Variants in NEGR1 observed in about 807,000 individuals in gnomAD.
The protein encoded by NEGR1 is IgLON family member 4.
In NEGR1, 10 loss-of-function variants were observed where a neutral mutation model predicts 40.9. The ratio of observed to expected loss-of-function variants is 0.24; its 90% confidence interval spans 0.15 to 0.42. NEGR1 has a LOEUF of 0.42. NEGR1 is among the 10% of genes least tolerant of loss of function. The probability of loss-of-function intolerance (pLI) is 1.00; values close to 1 mark genes in which losing one functional copy is unlikely to be tolerated. For missense variants in NEGR1, 352 were observed against 438.9 expected, an observed-to-expected ratio of 0.80 and a Z score of 1.77; for synonymous variants, 185 against 166.8, an observed-to-expected ratio of 1.11 and a Z score of -0.84.
chr1:72,031,733 T>C (rs1646860524), intron 1 of NEGR1, among the ~76,000 whole-genome samples: 3 of 152,124 alleles, frequency 2.0e-5, no homozygotes, highest in South Asian at 2.1e-4. Context: ...ACATGAGTTA[T>C]AGGCCCAGAT....
At chr1:71,942,433 C>A (rs1362728663) in intron 1 of NEGR1, among the ~76,000 whole-genome samples, 5 of 104,552 alleles carry the variant, frequency 4.8e-5, no homozygotes, top group African/African-American at 1.7e-4. Flanking sequence ...TACTTTAATG[C>A]ACAACTTAAA....
At chr1:72,250,419 A>T (rs935639133) in intron 1 of NEGR1, among the ~76,000 whole-genome samples, 4 of 152,202 alleles carry the variant, frequency 2.6e-5, no homozygotes, top group African/African-American at 9.6e-5. Context: ...ATATTATGAT[A>T]TAATATGTTA....
intron 1 of NEGR1, among the ~76,000 whole-genome samples, chr1:72,280,372 G>T (rs908970254): frequency 2.0e-5 from 3 of 152,098 alleles, no homozygotes; most frequent in African/African-American, 7.2e-5. Context: ...AACCCTTTAG[G>T]GTGGAAATGG....
intron 2 of NEGR1, among the ~76,000 whole-genome samples, chr1:71,874,994 A>G (rs1207652078): frequency 6.6e-6 from 1 of 151,838 alleles, no homozygotes; most frequent in African/African-American, 2.4e-5. Context: ...ATAGATGTTC[A>G]CCACTACACC....
At chr1:71,669,063 T>C (rs748671568) in intron 4 of NEGR1, among the ~76,000 whole-genome samples, 11 of 152,178 alleles carry the variant, frequency 7.2e-5, no homozygotes, top group Non-Finnish European at 1.5e-4. Context: ...ATTGCAATGT[T>C]GTGTAATTGA....
At chr1:71,500,634 G>A (rs1037857790) in intron 6 of NEGR1, among the ~76,000 whole-genome samples, 6 of 151,968 alleles carry the variant, frequency 3.9e-5, no homozygotes, top group African/African-American at 1.4e-4. Flanking sequence ...TACATTAAAT[G>A]TCAGCACTTA....
At chr1:72,232,850 G>C (rs1331904316) in intron 1 of NEGR1, among the ~76,000 whole-genome samples, 3 of 152,086 alleles carry the variant, frequency 2.0e-5, no homozygotes, top group Non-Finnish European at 4.4e-5. Flanking sequence ...CCTCCTCAGA[G>C]CCTCTTTTTT....
intron 1 of NEGR1, among the ~76,000 whole-genome samples, chr1:71,998,613 T>C (rs1435752919): frequency 6.6e-6 from 1 of 151,780 alleles, no homozygotes; most frequent in Non-Finnish European, 1.5e-5. Context: ...AGATTCTTAC[T>C]CATATCACAA....
chr1:71,929,732 GT>G (rs75644144), intron 2 of NEGR1, among the ~76,000 whole-genome samples: 31,911 of 142,386 alleles, frequency 0.22, 3,551 homozygotes, highest in Admixed American at 0.36. Flanking sequence ...CACCATTACT[GT>G]TTTTTTTTTT....
Position 72,196,025 on chromosome 1 carries a change from A to C in NEGR1, c.176+86294T>G, listed in dbSNP as rs1033792097. ...TTTTCTTCCTTTGAATGAGTTAGGT[A>C]TTACTAGAATCTATGCACAATCTTT... is the stretch of plus-strand genomic sequence containing the variant. On this transcript the variant is annotated intron_variant, in intron 1 of 6. Transcript: ENST00000357731. Among the ~76,000 whole-genome samples the C allele has an allele frequency of 9.2e-5, 14 of 152,110 alleles. No individual in the cohort carries two copies. In the South Asian group the frequency reaches 1.0e-3, roughly 11 times the overall value.
At chr1:71,639,885 C>T (rs1328220443) in intron 4 of NEGR1, among the ~76,000 whole-genome samples, 1 of 152,002 alleles carries the variant, frequency 6.6e-6, no homozygotes, top group Non-Finnish European at 1.5e-5. Flanking sequence ...GGAGAAAAAT[C>T]AGGCCACTCT....
rs1240583699 is a variant in NEGR1 at position 71,420,491 on chromosome 1, G to A, written c.941-12921C>T. Among the ~76,000 whole-genome samples the A allele has an allele frequency of 2.0e-5, 3 of 150,862 alleles. No homozygotes were observed. The East Asian group carries it at 5.8e-4, about 29-fold the overall frequency. On this transcript the variant is annotated intron_variant, in intron 6 of 6. Transcript: ENST00000357731. ...GCTTTTAGGACTATGTAGTCAAGTAGAAAAAAAACATTCTACACAAGAAAA... is the reference window on the plus strand; with the variant it reads ...GCTTTTAGGACTATGTAGTCAAGTAAAAAAAAAACATTCTACACAAGAAAA...
intron 4 of NEGR1, among the ~76,000 whole-genome samples, chr1:71,614,601 T>C (rs899059133): frequency 5.4e-4 from 83 of 152,316 alleles, no homozygotes; most frequent in African/African-American, 1.9e-3. Context: ...TTTTATGATA[T>C]CTAACTATTA....
intron 2 of NEGR1, among the ~76,000 whole-genome samples, chr1:71,871,669 T>C (rs1244880821): frequency 6.6e-6 from 1 of 152,326 alleles, no homozygotes; most frequent in East Asian, 1.9e-4. Context: ...AAATTGATTC[T>C]GAAACAGGTA....
At chr1:72,074,697 C>T (rs1239726572) in intron 1 of NEGR1, among the ~76,000 whole-genome samples, 1 of 152,030 alleles carries the variant, frequency 6.6e-6, no homozygotes, top group Non-Finnish European at 1.5e-5. Flanking sequence ...ATTATTAATG[C>T]CTCATGAACT....
intron 2 of NEGR1, among the ~76,000 whole-genome samples, chr1:71,917,945 T>C (rs890821004): frequency 2.0e-5 from 3 of 146,638 alleles, no homozygotes; most frequent in Middle Eastern, 4.3e-3. Flanking sequence ...ATGCCTGGCG[T>C]GGTGGCTCAG....
intron 3 of NEGR1, among the ~76,000 whole-genome samples, chr1:71,743,173 A>G (rs1244288638): frequency 6.6e-6 from 1 of 152,222 alleles, no homozygotes; most frequent in Non-Finnish European, 1.5e-5. Context: ...CACCCAGTCT[A>G]TGGCATTTGT....
At chr1:72,093,213 C>A (rs1211788623) in intron 1 of NEGR1, among the ~76,000 whole-genome samples, 1 of 151,386 alleles carries the variant, frequency 6.6e-6, no homozygotes, top group Admixed American at 6.6e-5. Context: ...TGCCTGTAGT[C>A]CCTGCTAGCT....
At chr1:72,257,186 G>A (rs1219926327) in intron 1 of NEGR1, among the ~76,000 whole-genome samples, 2 of 151,122 alleles carry the variant, frequency 1.3e-5, no homozygotes, top group Non-Finnish European at 3.0e-5. Flanking sequence ...GCCGGGCGTA[G>A]TGGCGGGCGC....
Sources: gnomAD v4.1 joint callset for allele counts (sites outside exome capture counted in the v4.1 genomes callset) on GRCh38, gnomAD v4.1.1 for gene constraint, MANE v1.5 for transcripts, NCBI Gene and HGNC (gene_info 2026-07-23, HGNC 2026-07-21) for gene names.